Variants in PCDH15 observed in about 807,000 individuals in gnomAD.
PCDH15 encodes the protein protocadherin-15.
In PCDH15, 129 loss-of-function variants were observed where a neutral mutation model predicts 178.5. The ratio of observed to expected loss-of-function variants is 0.72; its 90% CI spans 0.63 to 0.84. The LOEUF (loss-of-function observed/expected upper bound fraction) is 0.84, where lower values mean the gene tolerates loss of function less well. PCDH15 is among the 40% of genes least tolerant of loss of function. PCDH15 has a pLI of 0.00. For synonymous variants in PCDH15, 800 were observed against 732.0 expected, an observed-to-expected ratio of 1.09 and a Z score of -1.50; for missense variants, 2,230 against 2,099.9, an observed-to-expected ratio of 1.06 and a Z score of -1.21.
At chr10:54,674,429 C>G (rs1209999282) in intron 1 of PCDH15, among the ~76,000 whole-genome samples, 1 of 152,018 alleles carries the variant, frequency 6.6e-6, no homozygotes, top group African/African-American at 2.4e-5. Context: ...AATGTATAGT[C>G]TAGAACGTTT....
intron 2 of PCDH15, among the ~76,000 whole-genome samples, chr10:54,618,981 G>A (rs955380343): frequency 6.6e-6 from 1 of 152,016 alleles, no homozygotes. Flanking sequence ...AAGAAAATTT[G>A]TACATGAATT....
chr10:54,436,756 A>G (rs1465384445), intron 3 of PCDH15, among the ~76,000 whole-genome samples: 2 of 152,174 alleles, frequency 1.3e-5, no homozygotes, highest in Admixed American at 6.5e-5. Context: ...TACCTACTAA[A>G]GTCTAGAAAC....
chr10:54,088,948 T>C lies in PCDH15; in HGVS notation c.1997+1036A>G, dbSNP rs144542062. 7.6e-3 allele frequency among the ~76,000 whole-genome samples: 1,163 copies of C among 152,316 alleles called. 12 individuals are homozygous for C. Among genetic ancestry groups the C allele is most frequent in the African/African-American group, 0.027 (1,106 of 41,568 alleles). ...CTTAAAGTTTTTAACATTTTTATTTTCTTTAATGATGATTGTAAATTGTAG... is the reference window on the plus strand; with the variant it reads ...CTTAAAGTTTTTAACATTTTTATTTCCTTTAATGATGATTGTAAATTGTAG... On this transcript the variant is annotated intron_variant, in intron 16 of 37. Coordinates refer to ENST00000644397, the MANE Select transcript of PCDH15 (RefSeq NM_001384140.1).
chr10:54,776,437 T>TA (rs60354820), intron 1 of PCDH15, among the ~76,000 whole-genome samples: 18,049 of 145,248 alleles, frequency 0.12, 1,112 homozygotes, highest in East Asian at 0.15. Flanking sequence ...ACCATACAAT[T>TA]AAAAAAAAAA....
intron 2 of PCDH15, among the ~76,000 whole-genome samples, chr10:55,389,557 A>G (rs369911916): frequency 2.7e-4 from 41 of 152,296 alleles, no homozygotes; most frequent in African/African-American, 9.4e-4. Flanking sequence ...AGTTGTTAAC[A>G]GAAATTCTAC....
chr10:54,223,714 T>C (rs2053142286), intron 9 of PCDH15, among the ~76,000 whole-genome samples: 1 of 151,752 alleles, frequency 6.6e-6, no homozygotes, highest in African/African-American at 2.4e-5. Context: ...TTCAATAATT[T>C]TTATTTAGAG....
At chr10:53,951,460 G>A (rs1001881959) in intron 23 of PCDH15, among the ~76,000 whole-genome samples, 8 of 152,240 alleles carry the variant, frequency 5.3e-5, no homozygotes, top group African/African-American at 1.7e-4. Context: ...AAAGATAGTA[G>A]AGCAAGAAGG....
intron 3 of PCDH15, among the ~76,000 whole-genome samples, chr10:54,825,325 A>G (rs546022812): frequency 6.7e-6 from 1 of 149,318 alleles, no homozygotes; most frequent in Non-Finnish European, 1.5e-5. Flanking sequence ...ATAGTGCCGC[A>G]ATAAACATAC....
At chr10:54,168,057 T>C (rs943371937) in intron 13 of PCDH15, among the ~76,000 whole-genome samples, 2 of 151,850 alleles carry the variant, frequency 1.3e-5, no homozygotes, top group African/African-American at 4.8e-5. Flanking sequence ...TTGGCCTGTG[T>C]TCTCAAAAAC....
intron 14 of PCDH15, among the ~76,000 whole-genome samples, chr10:54,136,026 C>T (rs992433701): frequency 2.6e-5 from 4 of 152,074 alleles, no homozygotes; most frequent in South Asian, 2.1e-4. Context: ...ATAGTGCAAA[C>T]GATCTTGCAT....
chr10:53,995,581 G>T (rs776816790), intron 21 of PCDH15, 68 bp downstream of exon 21: 5 of 1,612,314 alleles, frequency 3.1e-6, no homozygotes, highest in Admixed American at 1.7e-5. Context: ...CTTGTGATTC[G>T]GTCATTTATG....
intron 2 of PCDH15, among the ~76,000 whole-genome samples, chr10:55,109,115 G>A (rs979470911): frequency 6.6e-6 from 1 of 152,132 alleles, no homozygotes; most frequent in Non-Finnish European, 1.5e-5. Flanking sequence ...CCAACTTTAT[G>A]CCCAGTGAGT....
chr10:55,558,616 T>G (rs1434401119), intron 2 of PCDH15, among the ~76,000 whole-genome samples: 1 of 152,106 alleles, frequency 6.6e-6, no homozygotes, highest in Non-Finnish European at 1.5e-5. Flanking sequence ...ATTACAAAAG[T>G]ACTTATTTAT....
intron 3 of PCDH15, among the ~76,000 whole-genome samples, chr10:54,499,901 A>T (rs902941760): frequency 2.6e-5 from 4 of 152,156 alleles, no homozygotes; most frequent in African/African-American, 9.6e-5. Context: ...TGATTTCTCA[A>T]AGAACTTAGA....
intron 5 of PCDH15, among the ~76,000 whole-genome samples, chr10:54,348,886 A>C (rs1943738255): frequency 6.6e-6 from 1 of 152,066 alleles, no homozygotes; most frequent in South Asian, 2.1e-4. Flanking sequence ...TACTTCAACT[A>C]CTTTAGATTC....
In PCDH15 at chr10:55,611,330, C is replaced by T. The variant is rs1192488011; in HGVS notation, c.-156+16295G>A. Among the ~76,000 whole-genome samples the T allele has an allele frequency of 2.0e-5, 3 of 151,904 alleles. No individual in the cohort carries two copies. In the South Asian group the frequency reaches 6.2e-4, roughly 32 times the overall value. On this transcript the variant is annotated intron_variant, in intron 2 of 5. Coordinates refer to the PCDH15 transcript ENST00000613346. ...CTCAATAACAATAAAACAAATAACC[C>T]TGTTAAAAAAATGGGCAAAAGACCT...
At chr10:54,105,275 GAGATATAT>G (rs1324778101) in intron 15 of PCDH15, among the ~76,000 whole-genome samples, 9 of 47,844 alleles carry the variant, frequency 1.9e-4, no homozygotes, top group African/African-American at 7.7e-4. Flanking sequence ...CATATAGATG[GAGATATAT>G]ATATATATAT....
chr10:54,231,276 C>G (rs2054036148), intron 9 of PCDH15, among the ~76,000 whole-genome samples: 1 of 152,228 alleles, frequency 6.6e-6, no homozygotes, highest in Non-Finnish European at 1.5e-5. Flanking sequence ...AGATATGCCT[C>G]AGGCCTCTGC....
Position 53,827,437 on chromosome 10 carries a change from A to C in PCDH15, c.4323T>G (p.Pro1441=), listed in dbSNP as rs570029304. The C allele has an allele frequency of 6.2e-6, 10 of 1,612,686 alleles. No individual in the cohort carries two copies. Among genetic ancestry groups the C allele is most frequent in the South Asian group, 3.3e-5 (3 of 90,948 alleles). Residue 1441 remains proline, a synonymous_variant, in exon 32 of 38, where the codon CCT becomes CCG. Coordinates refer to ENST00000644397, the MANE Select transcript of PCDH15 (RefSeq NM_001384140.1). ...PVAAPPPPPP[P]PPGAHLYEEL... is the part of the protein sequence containing the mutation. ...CTTCATAGAGATGCGCACCTGGCGGAGGCGGCGGCGGCGGCGGGGGCGCTG... is the reference window on the plus strand; with the variant it reads ...CTTCATAGAGATGCGCACCTGGCGGCGGCGGCGGCGGCGGCGGGGGCGCTG...
Sources: gnomAD v4.1 joint callset for allele counts (sites outside exome capture counted in the v4.1 genomes callset) on GRCh38, gnomAD v4.1.1 for gene constraint, MANE v1.5 for transcripts, NCBI Gene and HGNC (gene_info 2026-07-23, HGNC 2026-07-21) for gene names.